MEGF6: variants seen among roughly 807,000 people sequenced by gnomAD.
The protein encoded by MEGF6 is multiple epidermal growth factor-like domains protein 6.
Under a neutral mutation model 207.1 loss-of-function variants are expected in MEGF6, and 184 were observed. The ratio of observed to expected loss-of-function variants is 0.89; its 90% CI spans 0.79 to 1.00. The LOEUF (loss-of-function observed/expected upper bound fraction) is 1.00, where lower values mean the gene tolerates loss of function less well. MEGF6 is among the 50% of genes least tolerant of loss of function. MEGF6 has a pLI of 0.00. For missense variants in MEGF6, 2,282 were observed against 2,202.9 expected (o/e 1.04, Z -0.72); for synonymous variants, 1,038 against 910.0 (o/e 1.14, Z -2.53).
chr1:3,519,103 C>A (rs889378809), intron 5 of MEGF6, among the ~76,000 whole-genome samples: 2 of 152,220 alleles, frequency 1.3e-5, no homozygotes, highest in African/African-American at 2.4e-5. Context: ...AAACGCCCGC[C>A]ACCCCCCTTC....
rs1381360035 is a variant in MEGF6, at chr1:3,594,779, C to G, written c.376+559G>C. 6.6e-6 allele frequency among the ~76,000 whole-genome samples: 1 copy of G among 152,212 alleles called. No homozygotes were observed. The highest frequency in any genetic ancestry group is 1.5e-5 in the Non-Finnish European group (1 of 68,038). On this transcript the variant is annotated intron_variant, in intron 3 of 36. Transcript: ENST00000356575. The surrounding 1 kb of genome is among the most constrained non-coding windows in gnomAD (Gnocchi z 4.2). ...CAGTCCTGGGCCCCCATCTCTGAGC[C>G]CCAGCACATCAGCACCTGCCCGGGT...
chr1:3,607,827 G>A (rs1644272945), intron 1 of MEGF6, among the ~76,000 whole-genome samples: 2 of 152,360 alleles, frequency 1.3e-5, no homozygotes, highest in Admixed American at 6.5e-5. Flanking sequence ...ATCTGCTCCC[G>A]AGCAGAGCCG....
the MEGF6 span, among the ~76,000 whole-genome samples, chr1:3,618,372 C>T: frequency 6.6e-6 from 1 of 152,142 alleles, no homozygotes; most frequent in Non-Finnish European, 1.5e-5. The surrounding 1 kb of genome is among the most constrained non-coding windows in gnomAD (Gnocchi z 4.7). Flanking sequence ...GCCCACCCCT[C>T]GAGACCAGGC....
In MEGF6 at chr1:3,494,042, G is replaced by A. The variant is rs1640492744; in HGVS notation, c.4212C>T (p.Gly1404=). 4 of 1,609,600 alleles carry A rather than the reference G, an allele frequency of 2.5e-6. No individual in the cohort carries two copies. The highest frequency in any genetic ancestry group is 3.4e-6 in the Non-Finnish European group (4 of 1,178,526). ...QHGAPCDPIS[G]RCLCPAGFHG... ...GGAAGCCGGCAGGGCAGAGGCATCGGCCACTGATGGGGTCGCAGGGGGCTC... is the reference window on the plus strand; with the variant it reads ...GGAAGCCGGCAGGGCAGAGGCATCGACCACTGATGGGGTCGCAGGGGGCTC... Residue 1404 remains glycine, a synonymous_variant, in exon 33 of 37, where the codon GGC becomes GGT. Coordinates refer to ENST00000356575, the MANE Select transcript of MEGF6 (RefSeq NM_001409.4).
chr1:3,502,013 C>A (rs1640899243), intron 17 of MEGF6, 92 bp from the exon 18 acceptor site: 1 of 1,530,616 alleles, frequency 6.5e-7, no homozygotes, highest in Non-Finnish European at 8.8e-7. Flanking sequence ...AGTGTGCCCC[C>A]TGTGCCTCAC....
At position 3,488,191 on chromosome 1, in the gene MEGF6, C is replaced by T. The variant is rs2100781043; in HGVS notation, c.*2337G>A. Reference sequence around the variant, plus strand: ...TTCCGTCGTCATTTGTAACCGTTAACATTAGGATCTGTGAGCGTGTTTTCT... The same window carrying T: ...TTCCGTCGTCATTTGTAACCGTTAATATTAGGATCTGTGAGCGTGTTTTCT... On this transcript the variant is annotated 3_prime_UTR_variant, in exon 37 of 37. Transcript: ENST00000356575. Among the ~76,000 whole-genome samples the T allele has an allele frequency of 6.6e-6, 1 of 152,292 alleles. No individual in the cohort carries two copies. The highest frequency in any genetic ancestry group is 2.1e-4 in the South Asian group (1 of 4,824).
chr1:3,510,135 A>C, intron 10 of MEGF6, 143 bp from the exon 11 acceptor site: 12 of 1,166,316 alleles, frequency 1.0e-5, no homozygotes, highest in African/African-American at 3.2e-5. Flanking sequence ...AGCCAGTAAA[A>C]CTCACCCTCA....
At chr1:3,588,466 A>C (rs28673607) in intron 3 of MEGF6, among the ~76,000 whole-genome samples, 2 of 36,720 alleles carry the variant, frequency 5.4e-5, no homozygotes, top group African/African-American at 1.0e-4. Flanking sequence ...GCAGGAGGGG[A>C]CAGGAGGGGG....
chr1:3,566,201 G>C (rs1461400782), intron 4 of MEGF6, among the ~76,000 whole-genome samples: 1 of 152,134 alleles, frequency 6.6e-6, no homozygotes, highest in Non-Finnish European at 1.5e-5. Context: ...CCCCCGGCTT[G>C]ACCGGGCCAG....
At chr1:3,587,401 C>T (rs1392613211) in intron 3 of MEGF6, among the ~76,000 whole-genome samples, 4 of 152,272 alleles carry the variant, frequency 2.6e-5, no homozygotes, top group East Asian at 1.9e-4. Context: ...TCTTTCCTCC[C>T]GTTGACCCTT....
At chr1:3,571,278 T>C (rs992522827) in intron 4 of MEGF6, among the ~76,000 whole-genome samples, 1 of 151,922 alleles carries the variant, frequency 6.6e-6, no homozygotes, top group African/African-American at 2.4e-5. Flanking sequence ...AGCCCAGGTG[T>C]CAGGTGTCCG....
In MEGF6 at chr1:3,602,498, C is replaced by T. The variant is rs1431250090; in HGVS notation, c.234G>A (p.Gly78=). 1.9e-6 allele frequency: 3 copies of T among 1,613,282 alleles called. No homozygotes were observed. Among genetic ancestry groups the T allele is most frequent in the Non-Finnish European group, 2.5e-6 (3 of 1,179,918 alleles). ...CATGACCCACGCACCACGCCTGCCA[C>T]CCACAGCCGGCCTTCCACACCGGCA... ...HTVPVWKAGC[G]WQAWCVGHER... is the part of the protein sequence containing the mutation. The change falls in exon 2 of 37, where the codon GGG becomes GGA. Residue 78 remains glycine, a synonymous_variant. Coordinates refer to ENST00000356575, the MANE Select transcript of MEGF6 (RefSeq NM_001409.4).
At chr1:3,584,263 T>C (rs1249585317) in intron 3 of MEGF6, among the ~76,000 whole-genome samples, 12 of 152,228 alleles carry the variant, frequency 7.9e-5, no homozygotes, top group Non-Finnish European at 1.0e-4. Flanking sequence ...CTGGAGCTCA[T>C]TTCCAGAATC....
intron 24 of MEGF6, 91 bp downstream of exon 24, chr1:3,499,047 C>G (rs2100902825): frequency 6.6e-7 from 1 of 1,520,858 alleles, no homozygotes. Flanking sequence ...CCTCCCTCCC[C>G]CAGGCACCAA....
rs763976159 is a variant in MEGF6, at chr1:3,514,682, C to T, written c.731-10G>A. 20 of 1,565,560 alleles carry T rather than the reference C, an allele frequency of 1.3e-5. No individual in the cohort carries two copies. The Admixed American group carries it at 2.1e-4, about 17-fold the overall frequency. On this transcript the variant is annotated splice_polypyrimidine_tract_variant and intron_variant, in intron 6 of 36. Coordinates refer to ENST00000356575, the MANE Select transcript of MEGF6 (RefSeq NM_001409.4). ...GCACACGGGCTTCTACCTGCAGCCA[C>T]GGGCCCGAGGAGGGGGTTGGGGAGA...
intron 3 of MEGF6, among the ~76,000 whole-genome samples, chr1:3,590,978 C>T (rs916569501): frequency 1.3e-5 from 2 of 149,860 alleles, no homozygotes; most frequent in African/African-American, 2.4e-5. Flanking sequence ...CCTGGCTGGG[C>T]GCGGCCCCAG....
At chr1:3,622,345 C>G in the MEGF6 span, among the ~76,000 whole-genome samples, 3 of 152,168 alleles carry the variant, frequency 2.0e-5, no homozygotes, top group Admixed American at 1.3e-4. Context: ...CCATGTAAGA[C>G]GTGCCTTGCT....
intron 7 of MEGF6, among the ~76,000 whole-genome samples, chr1:3,513,832 T>G (rs1641439615): frequency 6.6e-6 from 1 of 151,644 alleles, no homozygotes. Flanking sequence ...GCTTAAGTGG[T>G]CCTCCCTCGT....
chr1:3,522,506 T>C (rs10442594), intron 5 of MEGF6, among the ~76,000 whole-genome samples: 45,972 of 150,768 alleles, frequency 0.3, 7,743 homozygotes, highest in Non-Finnish European at 0.38. Flanking sequence ...TCTGGGGCCC[T>C]AAGTGTGCAG....
Sources: gnomAD v4.1 joint callset for allele counts (sites outside exome capture counted in the v4.1 genomes callset) on GRCh38, gnomAD v4.1.1 for gene constraint, Gnocchi (gnomAD v3.1) non-coding constraint, MANE v1.5 for transcripts, NCBI Gene and HGNC (gene_info 2026-07-23, HGNC 2026-07-21) for gene names.